MOK: variants seen among roughly 807,000 people sequenced by gnomAD.
The protein encoded by MOK is MAPK/MAK/MRK overlapping kinase.
A neutral mutation model predicts 54.2 loss-of-function variants in MOK; 59 were observed. That is an observed-to-expected ratio of 1.09 (90% CI 0.88 to 1.35). MOK has a LOEUF of 1.35. MOK is among the 40% of genes most tolerant of loss of function. The pLI is 0.00. For missense variants in MOK, 517 were observed against 526.2 expected, an observed-to-expected ratio of 0.98 and a Z score of 0.17; for synonymous variants, 210 against 202.7, an observed-to-expected ratio of 1.04 and a Z score of -0.31.
chr14:102,237,241 ATCT>A (rs1158945618), intron 7 of MOK, among the ~76,000 whole-genome samples: 2 of 152,120 alleles, frequency 1.3e-5, no homozygotes, highest in African/African-American at 2.4e-5. Context: ...TACGTGGACA[ATCT>A]TCTCCTTTGC....
At chr14:102,265,008 C>A (rs74750148) in intron 3 of MOK, among the ~76,000 whole-genome samples, 1 of 152,190 alleles carries the variant, frequency 6.6e-6, no homozygotes, top group Non-Finnish European at 1.5e-5. Flanking sequence ...CTCAGGCAGG[C>A]ACCGAGGGAC....
intron 6 of MOK, 93 bp downstream of exon 6, chr14:102,251,663 G>A: frequency 9.8e-7 from 1 of 1,019,410 alleles, no homozygotes; most frequent in Non-Finnish European, 1.5e-6. Flanking sequence ...CGCATGGACT[G>A]AAAGTTCCTC....
the MOK span, among the ~76,000 whole-genome samples, chr14:102,218,908 G>T: frequency 2.0e-5 from 3 of 152,256 alleles, no homozygotes; most frequent in Admixed American, 1.3e-4. Flanking sequence ...TGAAGCGTGG[G>T]CGGGCTCCCC....
At chr14:102,298,674 G>A (rs1281118244) in intron 1 of MOK, among the ~76,000 whole-genome samples, 4 of 152,198 alleles carry the variant, frequency 2.6e-5, no homozygotes, top group African/African-American at 4.8e-5. Flanking sequence ...TGCCAGATAA[G>A]AGAATAAAAG....
intron 1 of MOK, among the ~76,000 whole-genome samples, chr14:102,295,862 G>A (rs910633937): frequency 2.6e-5 from 4 of 152,206 alleles, no homozygotes; most frequent in Non-Finnish European, 5.9e-5. Flanking sequence ...TGGACTGGGC[G>A]TGATGGCTCA....
At chr14:102,282,428 T>C (rs1430100834) in intron 2 of MOK, among the ~76,000 whole-genome samples, 2 of 151,960 alleles carry the variant, frequency 1.3e-5, no homozygotes, top group African/African-American at 2.4e-5. Context: ...TAGACTAAGG[T>C]TGCATTTATA....
At chr14:102,224,458 A>G (rs539309906), downstream of MOK, 12 of 403,570 alleles carry the variant, frequency 3.0e-5, no homozygotes, top group African/African-American at 2.5e-4. Context: ...ACCAAGCAGA[A>G]GAATGTTTAT....
chr14:102,268,182 C>T (rs1187604771), intron 2 of MOK, among the ~76,000 whole-genome samples: 4 of 152,146 alleles, frequency 2.6e-5, no homozygotes, highest in Admixed American at 6.6e-5. Context: ...CACCCCAAAA[C>T]ATATTTTGCT....
At chr14:102,287,867 C>T (rs149331304) in intron 1 of MOK, among the ~76,000 whole-genome samples, 42 of 148,610 alleles carry the variant, frequency 2.8e-4, no homozygotes, top group Non-Finnish European at 4.4e-5. Context: ...GCTCTGTCGC[C>T]CAGGCCGGAC....
chr14:102,292,599 A>C (rs1187992820), intron 1 of MOK, among the ~76,000 whole-genome samples: 1 of 152,100 alleles, frequency 6.6e-6, no homozygotes, highest in Non-Finnish European at 1.5e-5. Context: ...TTTCAAGCAG[A>C]TGTCTTTCTT....
rs2066343595 is a variant in MOK at position 102,249,255 on chromosome 14, C to G, written c.590+1557G>C. On this transcript the variant is annotated intron_variant, in intron 7 of 11. Transcript: ENST00000361847. This position sits in a 1 kb window ranked among gnomAD's most constrained non-coding sequence, Gnocchi z 5.3. ...TCTGTGGTGAAATGTGACTAATTCACAGTAACCGTGATAAATAACCCCACA... is the reference window on the plus strand; with the variant it reads ...TCTGTGGTGAAATGTGACTAATTCAGAGTAACCGTGATAAATAACCCCACA... Among the ~76,000 whole-genome samples, 1 of 152,200 alleles carries G rather than the reference C, an allele frequency of 6.6e-6. No individual in the cohort carries two copies. Among genetic ancestry groups the G allele is most frequent in the Non-Finnish European group, 1.5e-5 (1 of 68,046 alleles).
intron 2 of MOK, among the ~76,000 whole-genome samples, chr14:102,270,640 T>C (rs936621468): frequency 1.3e-5 from 2 of 151,844 alleles, no homozygotes; most frequent in Non-Finnish European, 2.9e-5. Context: ...GTATTACAAA[T>C]AACTGTATGC....
chr14:102,268,021 G>A (rs1395945408), intron 2 of MOK, among the ~76,000 whole-genome samples: 1 of 152,044 alleles, frequency 6.6e-6, no homozygotes, highest in Non-Finnish European at 1.5e-5. Context: ...TGCTTCAGGT[G>A]GAAAGAGCAA....
rs550482027 is a variant in MOK at position 102,265,609 on chromosome 14, T to A, written c.212+214A>T. 1.1e-4 allele frequency among the ~76,000 whole-genome samples: 17 copies of A among 152,044 alleles called. No homozygotes were observed. In the South Asian group the frequency reaches 1.2e-3, roughly 11 times the overall value. On this transcript the variant is annotated intron_variant, in intron 3 of 11. Coordinates refer to ENST00000361847, the MANE Select transcript of MOK (RefSeq NM_014226.3). ...TCACGCCGCTGCACTCCAGCCTGCA[T>A]GACAGAGAGAGAGACTCCTTCTCAA...
In MOK at chr14:102,228,893, T is replaced by C. The variant is rs1246784275; in HGVS notation, c.*396A>G. 14 of 209,614 alleles carry C rather than the reference T, an allele frequency of 6.7e-5. No individual in the cohort carries two copies. The East Asian group carries it at 1.5e-3, about 22-fold the overall frequency. The allele number at this position is 209,614 out of a possible 1,614,324, so 13.0% of individuals were successfully genotyped here. ...TCAGGGGTGTCAGCAGCGTCACTGG[T>C]AAGACATGATGGCGCTCCACGACTG... On this transcript the variant is annotated 3_prime_UTR_variant, in exon 12 of 12. Transcript: ENST00000361847.
downstream of MOK, chr14:102,226,233 C>T: frequency 1.5e-6 from 1 of 650,582 alleles, no homozygotes; most frequent in East Asian, 2.7e-5. This position sits in a 1 kb window ranked among gnomAD's most constrained non-coding sequence, Gnocchi z 4.8. Flanking sequence ...TGTGCTTCTG[C>T]CCGGTGTCTT....
intron 1 of MOK, among the ~76,000 whole-genome samples, chr14:102,288,594 T>C (rs2070399811): frequency 6.6e-6 from 1 of 152,192 alleles, no homozygotes; most frequent in African/African-American, 2.4e-5. Flanking sequence ...CTTTTGGGGA[T>C]GATGAAAATA....
intron 4 of MOK, among the ~76,000 whole-genome samples, chr14:102,260,959 A>G (rs969417317): frequency 6.6e-6 from 1 of 151,984 alleles, no homozygotes; most frequent in Non-Finnish European, 1.5e-5. Context: ...CGTCTCTACT[A>G]AAAATACAAA....
At chr14:102,239,018 C>T (rs1254189626) in intron 7 of MOK, among the ~76,000 whole-genome samples, 2 of 152,128 alleles carry the variant, frequency 1.3e-5, no homozygotes, top group East Asian at 3.9e-4. Context: ...GGAGGCATTT[C>T]CTACCTCTTC....
Sources: allele counts gnomAD v4.1 joint callset (sites outside exome capture counted in the v4.1 genomes callset), GRCh38; gene constraint gnomAD v4.1.1; non-coding constraint Gnocchi (gnomAD v3.1); transcripts MANE v1.5; gene names NCBI Gene and HGNC (gene_info 2026-07-23, HGNC 2026-07-21).